Variants in CCSER2 observed in about 807,000 individuals in gnomAD.
The protein encoded by CCSER2 is coiled-coil serine rich protein 2.
In CCSER2, 46 loss-of-function variants were observed where a neutral mutation model predicts 92.3. The observed-to-expected ratio is 0.50, with a 90% CI of 0.39 to 0.64. CCSER2 has a LOEUF of 0.64. Ranked by LOEUF, CCSER2 falls within the 30% of genes least tolerant of loss-of-function variation. The pLI, the probability that CCSER2 is intolerant of heterozygous loss-of-function variation, is 0.00. For synonymous variants in CCSER2, 433 were observed against 431.4 expected (o/e 1.00, Z -0.04); for missense variants, 1,244 against 1,238.9 (o/e 1.00, Z -0.06).
intron 5 of CCSER2, among the ~76,000 whole-genome samples, chr10:84,430,044 A>C (rs990714207): frequency 7.2e-5 from 11 of 152,068 alleles, no homozygotes; most frequent in African/African-American, 2.4e-4. Flanking sequence ...ATTAGTGGTC[A>C]GCTAATGGTT....
intron 2 of CCSER2, among the ~76,000 whole-genome samples, 158 bp from the exon 3 acceptor site, chr10:84,373,461 A>T (rs779729841): frequency 4.6e-5 from 7 of 152,118 alleles, no homozygotes; most frequent in African/African-American, 7.2e-5. Flanking sequence ...TTGGCTCTTG[A>T]TGTTTTTATT....
intron 3 of CCSER2, among the ~76,000 whole-genome samples, chr10:84,383,304 T>C (rs950100695): frequency 3.3e-5 from 5 of 151,858 alleles, no homozygotes; most frequent in African/African-American, 1.2e-4. Context: ...TTTGATCTTT[T>C]TATTTATTTA....
intron 5 of CCSER2, among the ~76,000 whole-genome samples, chr10:84,433,389 G>C (rs1217502216): frequency 6.6e-6 from 1 of 151,734 alleles, no homozygotes; most frequent in Non-Finnish European, 1.5e-5. Context: ...TGTGACTCAG[G>C]TTACATAAGA....
At chr10:84,456,397 C>T (rs996518731) in intron 6 of CCSER2, among the ~76,000 whole-genome samples, 27 of 152,082 alleles carry the variant, frequency 1.8e-4, no homozygotes, top group African/African-American at 6.5e-4. Context: ...TTCATTTATG[C>T]TGTACCGTGT....
At chr10:84,462,498 A>C (rs1846159628) in intron 6 of CCSER2, among the ~76,000 whole-genome samples, 1 of 152,222 alleles carries the variant, frequency 6.6e-6, no homozygotes, top group Non-Finnish European at 1.5e-5. Context: ...ATGTCTAGGC[A>C]GTAATAACGG....
intron 1 of CCSER2, among the ~76,000 whole-genome samples, chr10:84,329,647 G>T (rs1282206316): frequency 6.6e-6 from 1 of 151,934 alleles, no homozygotes; most frequent in Non-Finnish European, 1.5e-5. Flanking sequence ...TTGGCCAGTT[G>T]TTTTTTTTAA....
At chr10:84,477,689 C>T in intron 9 of CCSER2, 25 bp downstream of exon 9, 2 of 1,215,360 alleles carry the variant, frequency 1.6e-6, no homozygotes, top group Non-Finnish European at 2.4e-6. Context: ...CTCTTAGCCT[C>T]CTCTCCAGTC....
chr10:84,352,373 G>A (rs1275082198), intron 1 of CCSER2, among the ~76,000 whole-genome samples: 3 of 152,084 alleles, frequency 2.0e-5, no homozygotes, highest in Non-Finnish European at 2.9e-5. Flanking sequence ...TGAAGGTAGA[G>A]GAGCCAAGGT....
chr10:84,377,656 C>T (rs7916678), intron 3 of CCSER2, among the ~76,000 whole-genome samples: 1 of 151,910 alleles, frequency 6.6e-6, no homozygotes, highest in African/African-American at 2.4e-5. Flanking sequence ...TGAGCTTGTC[C>T]GTTTCCAGGA....
Position 84,371,956 on chromosome 10 carries a change from G to C in CCSER2, c.904G>C (p.Ala302Pro). 6.2e-7 allele frequency: 1 copy of C among 1,613,766 alleles called. No homozygotes were observed. The highest frequency in any genetic ancestry group is 8.5e-7 in the Non-Finnish European group (1 of 1,179,796). Residue 302 changes from alanine to proline, a missense_variant, in exon 2 of 10, where the codon GCT (alanine) becomes CCT (proline). Physicochemically the swap from Ala to Pro is conservative, Grantham distance 27. Coordinates refer to ENST00000372088, the MANE Select transcript of CCSER2 (RefSeq NM_001284240.2). ...TTATGCTGCTGGTGGAAAGAAGTTG[G>C]CTTTACCAAATGGCCCAGGTGTAAC... Reference protein sequence around the residue: ...RPYAAGGKKLALPNGPGVTST... With the variant: ...RPYAAGGKKLPLPNGPGVTST...
chr10:84,354,104 C>T (rs900829695), intron 1 of CCSER2, among the ~76,000 whole-genome samples: 4 of 151,958 alleles, frequency 2.6e-5, no homozygotes, highest in Non-Finnish European at 5.9e-5. Flanking sequence ...GAGGCTGAGG[C>T]GGGAGGGTTG....
chr10:84,423,123 A>G (rs976221749), intron 4 of CCSER2, among the ~76,000 whole-genome samples: 2 of 151,534 alleles, frequency 1.3e-5, no homozygotes, highest in African/African-American at 4.8e-5. Flanking sequence ...TTGCTTTCTC[A>G]TTTCTTCTCT....
At chr10:84,362,079 A>G (rs553008782) in intron 1 of CCSER2, among the ~76,000 whole-genome samples, 1 of 152,312 alleles carries the variant, frequency 6.6e-6, no homozygotes, top group South Asian at 2.1e-4. Context: ...CAAACCCAGT[A>G]TGTGCCATTA....
At chr10:84,474,550 A>G (rs1259350720) in intron 8 of CCSER2, among the ~76,000 whole-genome samples, 1 of 151,642 alleles carries the variant, frequency 6.6e-6, no homozygotes, top group Non-Finnish European at 1.5e-5. Context: ...AGTCTCAGCT[A>G]CTCAGGAGGC....
intron 9 of CCSER2, among the ~76,000 whole-genome samples, chr10:84,508,579 T>C (rs1043372732): frequency 1.3e-5 from 2 of 152,150 alleles, no homozygotes; most frequent in African/African-American, 4.8e-5. Context: ...ACCTCCTTTG[T>C]AGAGAGAAGA....
intron 1 of CCSER2, among the ~76,000 whole-genome samples, chr10:84,352,959 T>C (rs1844947355): frequency 6.6e-6 from 1 of 152,040 alleles, no homozygotes; most frequent in Non-Finnish European, 1.5e-5. Context: ...ACCTGGCTAA[T>C]TTTTGTGTTT....
intron 1 of CCSER2, among the ~76,000 whole-genome samples, chr10:84,349,223 C>T (rs887260988): frequency 6.6e-6 from 1 of 152,168 alleles, no homozygotes; most frequent in Non-Finnish European, 1.5e-5. Context: ...ACATCCATGC[C>T]TCCCACAAAC....
At chr10:84,416,394 C>G (rs1198752842) in intron 3 of CCSER2, among the ~76,000 whole-genome samples, 2 of 152,126 alleles carry the variant, frequency 1.3e-5, no homozygotes, top group Admixed American at 1.3e-4. Context: ...CATCTTGGCA[C>G]TCTCTCCTGT....
chr10:84,365,446 A>G (rs993557890), intron 1 of CCSER2, among the ~76,000 whole-genome samples: 3 of 152,228 alleles, frequency 2.0e-5, no homozygotes, highest in Non-Finnish European at 4.4e-5. Context: ...ATGAAGTGAT[A>G]ATATTCATAA....
Sources: gnomAD v4.1 joint callset for allele counts (sites outside exome capture counted in the v4.1 genomes callset) on GRCh38, gnomAD v4.1.1 for gene constraint, MANE v1.5 for transcripts, NCBI Gene and HGNC (gene_info 2026-07-23, HGNC 2026-07-21) for gene names.